Variants in AP4E1 observed in about 807,000 individuals in gnomAD.
AP4E1 encodes adaptor related protein complex 4 subunit epsilon 1, also known as AP-4 complex subunit epsilon-1.
Under a neutral mutation model 128.2 loss-of-function variants are expected in AP4E1, and 56 were observed. The observed-to-expected ratio is 0.44, with a 90% CI of 0.35 to 0.55. The LOEUF is 0.55. Among genes scored for constraint, AP4E1 ranks in the 20% least tolerant of loss-of-function variants. The pLI is 0.00. For missense variants in AP4E1, 1,324 were observed against 1,307.7 expected, an observed-to-expected ratio of 1.01 and a Z score of -0.19; for synonymous variants, 484 against 473.1, an observed-to-expected ratio of 1.02 and a Z score of -0.30.
At chr15:50,908,215 C>A (rs2063516528), upstream of AP4E1, among the ~76,000 whole-genome samples, 2 of 152,042 alleles carry the variant, frequency 1.3e-5, no homozygotes, top group African/African-American at 4.8e-5. Flanking sequence ...GCCCCGCTAT[C>A]ACGCAACTAC....
At chr15:50,918,913 TTTG>T (rs2063660751) in intron 3 of AP4E1, among the ~76,000 whole-genome samples, 2 of 151,692 alleles carry the variant, frequency 1.3e-5, no homozygotes, top group Admixed American at 6.6e-5. Context: ...GATTTTTTTT[TTTG>T]TTGTTGTTCT....
At chr15:50,956,734 G>A (rs1567235204) in intron 13 of AP4E1, among the ~76,000 whole-genome samples, 1 of 151,758 alleles carries the variant, frequency 6.6e-6, no homozygotes, top group Admixed American at 6.6e-5. Flanking sequence ...TTGACATGTG[G>A]GGGATTATTA....
chr15:50,974,408 A>C (rs1403836007), intron 15 of AP4E1, among the ~76,000 whole-genome samples: 4 of 151,798 alleles, frequency 2.6e-5, no homozygotes, highest in Non-Finnish European at 4.4e-5. Flanking sequence ...CTAGGATTCC[A>C]GGTGCATGCC....
At position 50,941,661 on chromosome 15, in the gene AP4E1, T is replaced by G; in HGVS notation, c.1067-5T>G. 1 of 1,613,026 alleles carries G rather than the reference T, an allele frequency of 6.2e-7. No homozygotes were observed. The highest frequency in any genetic ancestry group is 8.5e-7 in the Non-Finnish European group (1 of 1,179,112). ...TCACTTTGTATAATGTGTCTTTGTT[T>G]CTAGGACTGAAGGCTCTTACCTATG... is the stretch of plus-strand genomic sequence containing the variant. On this transcript the variant is annotated splice_region_variant and splice_polypyrimidine_tract_variant and intron_variant, in intron 9 of 20. Coordinates refer to ENST00000261842, the MANE Select transcript of AP4E1 (RefSeq NM_007347.5).
intron 15 of AP4E1, among the ~76,000 whole-genome samples, chr15:50,974,795 C>G (rs2064530295): frequency 6.6e-6 from 1 of 151,588 alleles, no homozygotes; most frequent in South Asian, 2.1e-4. Flanking sequence ...TTTTCATATA[C>G]CTGTTGGCCA....
rs878866492 is a variant in AP4E1, at chr15:50,945,631, C to T, written c.1177-2389C>T. 14 of 768,380 alleles carry T rather than the reference C, an allele frequency of 1.8e-5. 1 individual carries two copies. Among genetic ancestry groups the T allele is most frequent in the South Asian group, 2.8e-5 (2 of 71,530 alleles). 47.6% of individuals were successfully genotyped at this position (768,380 alleles called of 1,614,324 possible). A position where few individuals can be genotyped will look rare whatever the true frequency, so the allele number is the denominator to read the frequency against. ...AAGCAGGGAGGTATATCACACAAAG[C>T]GAATGCAACATGTTATCTGTGTAAA... On this transcript the variant is annotated intron_variant, in intron 10 of 20. Coordinates refer to ENST00000261842, the MANE Select transcript of AP4E1 (RefSeq NM_007347.5).
chr15:50,980,953 C>T (rs751035695), intron 15 of AP4E1, among the ~76,000 whole-genome samples: 3 of 152,204 alleles, frequency 2.0e-5, no homozygotes, highest in African/African-American at 4.8e-5. Flanking sequence ...CTCCCTGGGG[C>T]TTAGGCAGAG....
At chr15:50,945,425 C>T (rs759130391) in intron 10 of AP4E1, 55 of 777,104 alleles carry the variant, frequency 7.1e-5, no homozygotes, top group African/African-American at 1.2e-4. Flanking sequence ...TTCATTTTTA[C>T]GGCAGCAAAT....
At chr15:50,954,520 T>TC (rs1292338786) in intron 13 of AP4E1, among the ~76,000 whole-genome samples, 4 of 152,214 alleles carry the variant, frequency 2.6e-5, no homozygotes, top group Non-Finnish European at 4.4e-5. Flanking sequence ...CATGGATTAT[T>TC]CAGAAGAGTA....
In AP4E1 at chr15:50,912,085, A is replaced by G. The variant is rs375425334; in HGVS notation, c.158A>G (p.Glu53Gly). Residue 53 changes from glutamate to glycine, a missense_variant, in exon 2 of 21, where the codon GAA becomes GGA. By Grantham distance (98) the Glu-to-Gly change is moderately conservative (BLOSUM62 -2). Transcript: ENST00000261842. ...ITALTSKHEE[E>G]KLIQQELSSL... is the part of the protein sequence containing the mutation. ...ATATTTTCACTTTCTCAGGAAGAAG[A>G]AAAATTAATCCAGCAGGAACTGAGT... The G allele has an allele frequency of 3.7e-6, 6 of 1,613,782 alleles. No homozygotes were observed. The African/African-American group carries it at 8.0e-5, about 22-fold the overall frequency.
At chr15:50,989,082 CATT>C (rs1448634257) in intron 16 of AP4E1, among the ~76,000 whole-genome samples, 1 of 152,202 alleles carries the variant, frequency 6.6e-6, no homozygotes, top group East Asian at 1.9e-4. Flanking sequence ...TCATTACCAT[CATT>C]GTCTTCATTA....
intron 16 of AP4E1, among the ~76,000 whole-genome samples, chr15:50,985,797 C>CT: frequency 6.6e-6 from 1 of 152,254 alleles, no homozygotes; most frequent in Non-Finnish European, 1.5e-5. Context: ...AATGCGGGCT[C>CT]TTTTTTGATT....
chr15:50,968,777 G>A (rs1436743075), intron 15 of AP4E1, among the ~76,000 whole-genome samples: 1 of 152,106 alleles, frequency 6.6e-6, no homozygotes, highest in African/African-American at 2.4e-5. Context: ...ACAGGTGGGT[G>A]CCACCACACC....
chr15:50,958,677 T>G lies in AP4E1; in HGVS notation c.1734T>G (p.Phe578Leu). 1 of 1,614,178 alleles carries G rather than the reference T, an allele frequency of 6.2e-7. No individual in the cohort carries two copies. The highest frequency in any genetic ancestry group is 8.5e-7 in the Non-Finnish European group (1 of 1,180,004). The change falls in exon 14 of 21, where the codon TTT becomes TTG. Residue 578 changes from phenylalanine to leucine, a missense_variant. By Grantham distance (22) the Phe-to-Leu change is conservative. Transcript: ENST00000261842. ...CAGTTGAGAGATTAATCCATGAATT[T>G]ACCATATCTTTGGATACTTGTATGA... ...SNTVERLIHE[F>L]TISLDTCMRQ...
At chr15:50,907,740 A>G (rs2063504887), upstream of AP4E1, among the ~76,000 whole-genome samples, 1 of 152,188 alleles carries the variant, frequency 6.6e-6, no homozygotes, top group Non-Finnish European at 1.5e-5. Flanking sequence ...AAAACGGCAA[A>G]TAACACGTAA....
intron 14 of AP4E1, among the ~76,000 whole-genome samples, chr15:50,966,758 A>G (rs1278615512): frequency 6.6e-6 from 1 of 151,974 alleles, no homozygotes; most frequent in African/African-American, 2.4e-5. Flanking sequence ...GCTGGTCTCG[A>G]ACTCCTGACC....
In AP4E1 at chr15:50,934,613, C is replaced by A. The variant is rs1198535926; in HGVS notation, c.870-11C>A. 6.3e-7 allele frequency: 1 copy of A among 1,589,072 alleles called. No individual in the cohort carries two copies. Among genetic ancestry groups the A allele is most frequent in the Non-Finnish European group, 8.6e-7 (1 of 1,158,390 alleles). On this transcript the variant is annotated splice_polypyrimidine_tract_variant and intron_variant, in intron 7 of 20. Coordinates refer to ENST00000261842, the MANE Select transcript of AP4E1 (RefSeq NM_007347.5). ...TATAATTCTACTGCAAATAAAATAT[C>A]TTTTAAACAGGACAAGTGAATTAAT...
chr15:50,953,203 T>G (rs371145960), intron 13 of AP4E1, among the ~76,000 whole-genome samples: 1 of 152,250 alleles, frequency 6.6e-6, no homozygotes, highest in African/African-American at 2.4e-5. Context: ...TTAGTGTTGA[T>G]TATCCTTCCT....
chr15:50,990,951 G>T (rs980309676), intron 16 of AP4E1, among the ~76,000 whole-genome samples: 6 of 152,158 alleles, frequency 3.9e-5, no homozygotes, highest in Admixed American at 3.9e-4. Context: ...GGAAAAAGAA[G>T]CAGGTTTGGG....
Sources: allele counts gnomAD v4.1 joint callset (sites outside exome capture counted in the v4.1 genomes callset), GRCh38; gene constraint gnomAD v4.1.1; transcripts MANE v1.5; gene names NCBI Gene and HGNC (gene_info 2026-07-23, HGNC 2026-07-21).